Variants in AUTS2 observed in about 807,000 individuals in gnomAD.
The protein encoded by AUTS2 is autism susceptibility gene 2 protein.
Under a neutral mutation model 112.4 loss-of-function variants are expected in AUTS2, and 17 were observed. That is an observed-to-expected ratio of 0.15 (90% CI 0.10 to 0.23). AUTS2 has a LOEUF of 0.23. Ranked by LOEUF, AUTS2 falls within the 10% of genes least tolerant of loss-of-function variation. The pLI is 1.00. For missense variants in AUTS2, 1,510 were observed against 1,701.6 expected, an observed-to-expected ratio of 0.89 and a Z score of 1.98; for synonymous variants, 751 against 702.7, an observed-to-expected ratio of 1.07 and a Z score of -1.09.
chr7:69,784,842 A>G (rs1056651360), intron 1 of AUTS2, among the ~76,000 whole-genome samples: 1 of 152,168 alleles, frequency 6.6e-6, no homozygotes, highest in Non-Finnish European at 1.5e-5. Context: ...TAGCTCACTA[A>G]TTTATTAATT....
chr7:70,357,640 G>A (rs938731894), intron 4 of AUTS2, among the ~76,000 whole-genome samples: 1 of 152,252 alleles, frequency 6.6e-6, no homozygotes, highest in South Asian at 2.1e-4. Flanking sequence ...ACCTGTAAAC[G>A]CACGGCCTTT....
chr7:69,971,582 T>A (rs926551591), intron 2 of AUTS2, among the ~76,000 whole-genome samples: 1 of 152,216 alleles, frequency 6.6e-6, no homozygotes, highest in African/African-American at 2.4e-5. Flanking sequence ...TCTCTCCTGA[T>A]GGCCTTTGAT....
At chr7:70,595,090 C>T (rs1803130472) in intron 5 of AUTS2, among the ~76,000 whole-genome samples, 1 of 143,520 alleles carries the variant, frequency 7.0e-6, no homozygotes, top group African/African-American at 2.6e-5. Context: ...AAGAGTGAAA[C>T]TGTCTCAAGA....
intron 5 of AUTS2, among the ~76,000 whole-genome samples, chr7:70,526,112 C>G (rs549438256): frequency 6.6e-6 from 1 of 152,192 alleles, no homozygotes; most frequent in Non-Finnish European, 1.5e-5. Flanking sequence ...TAATGAGTCA[C>G]CCAGTTTTGT....
chr7:70,408,824 C>G (rs1168686501), intron 4 of AUTS2, among the ~76,000 whole-genome samples: 2 of 152,220 alleles, frequency 1.3e-5, no homozygotes, highest in African/African-American at 4.8e-5. Flanking sequence ...CTGGTTACAT[C>G]AGACATGCTT....
chr7:70,267,132 C>T (rs1370512163), intron 4 of AUTS2, among the ~76,000 whole-genome samples: 2 of 152,266 alleles, frequency 1.3e-5, no homozygotes, highest in African/African-American at 4.8e-5. Context: ...TATAGACATC[C>T]CTATATCAGC....
At chr7:70,031,835 G>C (rs1010638151) in intron 2 of AUTS2, among the ~76,000 whole-genome samples, 2 of 152,016 alleles carry the variant, frequency 1.3e-5, no homozygotes, top group Admixed American at 1.3e-4. Flanking sequence ...AAAGCAATAG[G>C]ATCTACTGAT....
chr7:70,653,640 G>A (rs1009063757), intron 5 of AUTS2, among the ~76,000 whole-genome samples: 2 of 152,174 alleles, frequency 1.3e-5, no homozygotes, highest in African/African-American at 2.4e-5. Context: ...AGCCAAGGTT[G>A]CATCTTTAGT....
At chr7:70,203,345 A>AT (rs1491472046) in intron 4 of AUTS2, among the ~76,000 whole-genome samples, 1 of 1,072 alleles carries the variant, frequency 9.3e-4, no homozygotes, top group African/African-American at 3.5e-3. Flanking sequence ...AGAGTATAAT[A>AT]AAAAAAAAAA....
At chr7:69,897,803 A>G (rs1301241882) in intron 1 of AUTS2, among the ~76,000 whole-genome samples, 1 of 152,076 alleles carries the variant, frequency 6.6e-6, no homozygotes, top group African/African-American at 2.4e-5. Context: ...AGATCATAAC[A>G]AGGCTCAAGG....
Position 70,579,244 on chromosome 7 carries a change from T to TAAAAAAAA in AUTS2, c.691-119314_691-119307dup, listed in dbSNP as rs10611601. On this transcript the variant is annotated intron_variant, in intron 5 of 18. Coordinates refer to ENST00000342771, the MANE Select transcript of AUTS2 (RefSeq NM_015570.4). ...ATGCCCAGCCTTATATTCTCTTTTC[T>TAAAAAAAA]AAAAAAAAAAAAAAAAAAGATGAAG... 9.0e-3 allele frequency among the ~76,000 whole-genome samples: 505 copies of TAAAAAAAA among 55,848 alleles called. 76 individuals are homozygous for TAAAAAAAA. Among genetic ancestry groups the TAAAAAAAA allele is most frequent in the Admixed American group, 0.067 (283 of 4,240 alleles). The allele number at this position is 55,848 out of a possible 152,430, so 36.6% of individuals were successfully genotyped here.
intron 2 of AUTS2, among the ~76,000 whole-genome samples, chr7:70,083,752 G>A (rs1355903729): frequency 1.3e-5 from 2 of 152,202 alleles, no homozygotes; most frequent in East Asian, 3.9e-4. Flanking sequence ...TTCAAGATGA[G>A]CCTGGGCAAC....
intron 2 of AUTS2, among the ~76,000 whole-genome samples, chr7:69,994,251 T>C (rs1442493676): frequency 1.3e-5 from 2 of 152,122 alleles, no homozygotes; most frequent in African/African-American, 4.8e-5. Context: ...GTGTATTAAA[T>C]TGGTTTTCTA....
chr7:69,935,844 G>T (rs1311299802), intron 2 of AUTS2, among the ~76,000 whole-genome samples: 1 of 152,188 alleles, frequency 6.6e-6, no homozygotes, highest in Non-Finnish European at 1.5e-5. Context: ...TTAGCGGTTA[G>T]AGCCATGAGA....
In AUTS2 at chr7:70,126,436, C is replaced by T. The variant is rs180748218; in HGVS notation, c.625-8100C>T. Reference sequence around the variant, plus strand: ...AAAAAAGAAGAAAAACCCAAATATGCTTTGCTTTTCTAAATTATATATTCC... The same window carrying T: ...AAAAAAGAAGAAAAACCCAAATATGTTTTGCTTTTCTAAATTATATATTCC... On this transcript the variant is annotated intron_variant, in intron 3 of 18. Transcript: ENST00000342771. Among the ~76,000 whole-genome samples, 11 of 152,152 alleles carry T rather than the reference C, an allele frequency of 7.2e-5. No individual in the cohort carries two copies. In the East Asian group the frequency reaches 2.1e-3, roughly 29 times the overall value.
intron 2 of AUTS2, among the ~76,000 whole-genome samples, chr7:70,096,144 C>T (rs925029683): frequency 5.9e-5 from 9 of 152,012 alleles, no homozygotes; most frequent in East Asian, 1.9e-4. Flanking sequence ...CTAGTTCACA[C>T]GGGGTTGTAA....
chr7:70,775,486 G>A, intron 13 of AUTS2, 100 bp downstream of exon 13: 1 of 946,226 alleles, frequency 1.1e-6, no homozygotes, highest in Non-Finnish European at 1.6e-6. Flanking sequence ...TAGAAATGTT[G>A]GAATAAGACA....
chr7:69,871,099 T>G (rs905341149), intron 1 of AUTS2, among the ~76,000 whole-genome samples: 3 of 151,500 alleles, frequency 2.0e-5, no homozygotes, highest in Non-Finnish European at 4.4e-5. Flanking sequence ...TAACCAACAC[T>G]CTCTACCTTC....
At chr7:70,699,859 G>A (rs1023582142) in intron 6 of AUTS2, among the ~76,000 whole-genome samples, 16 of 152,150 alleles carry the variant, frequency 1.1e-4, no homozygotes, top group African/African-American at 3.4e-4. Flanking sequence ...ACCACTTGGC[G>A]TTTCCTTGTG....
Sources: allele counts gnomAD v4.1 joint callset (sites outside exome capture counted in the v4.1 genomes callset), GRCh38; gene constraint gnomAD v4.1.1; transcripts MANE v1.5; gene names NCBI Gene and HGNC (gene_info 2026-07-23, HGNC 2026-07-21).